Variants in GPM6B observed in about 807,000 individuals in gnomAD.
The protein encoded by GPM6B is glycoprotein M6B, also known as neuronal membrane glycoprotein M6-b.
GPM6B carries 4 observed loss-of-function variants against 27.2 expected under a neutral mutation model. The ratio of observed to expected loss-of-function variants is 0.15; its 90% CI spans 0.07 to 0.34. The LOEUF is 0.34. Ranked by LOEUF, GPM6B falls within the 10% of genes least tolerant of loss-of-function variation. The probability of loss-of-function intolerance (pLI) is 1.00; values close to 1 mark genes in which losing one functional copy is unlikely to be tolerated. For missense variants in GPM6B, 183 were observed against 261.9 expected, an observed-to-expected ratio of 0.70 and a Z score of 2.08; for synonymous variants, 124 against 103.1, an observed-to-expected ratio of 1.20 and a Z score of -1.23.
rs763194245 is a variant in GPM6B, at chrX:13,799,190, ATTTTT to A, written c.181+8455_181+8459del. 2.9e-3 allele frequency among the ~76,000 whole-genome samples: 105 copies of A among 35,967 alleles called. 2 individuals carry two copies. Among genetic ancestry groups the A allele is most frequent in the African/African-American group, 0.012 (98 of 8,335 alleles). The allele number at this position is 35,967 out of a possible 115,157, so 31.2% of individuals were successfully genotyped here. ...CTAGAAACCTCGATTAGCCAACCTA[ATTTTT>A]TTTTTTTTTTTTTTTTTTTTTTTTT... On this transcript the variant is annotated intron_variant, in intron 2 of 7. Transcript: ENST00000316715.
At chrX:13,860,928 C>T (rs1055128591) in intron 1 of GPM6B, among the ~76,000 whole-genome samples, 5 of 109,098 alleles carry the variant, frequency 4.6e-5, no homozygotes, top group African/African-American at 1.7e-4. Context: ...TAATTGCCTC[C>T]AATTCCATCC....
intron 1 of GPM6B, among the ~76,000 whole-genome samples, chrX:13,937,601 A>C (rs953664923): frequency 9.0e-6 from 1 of 111,682 alleles, no homozygotes; most frequent in Non-Finnish European, 1.9e-5. Context: ...TCCCAAGCAC[A>C]GCTGTCACAC....
At chrX:13,821,820 C>T (rs909414938), upstream of GPM6B, among the ~76,000 whole-genome samples, 2 of 111,232 alleles carry the variant, frequency 1.8e-5, no homozygotes, top group African/African-American at 6.5e-5. Context: ...GTCTTGAGCT[C>T]CTGACCTCAG....
intron 7 of GPM6B, among the ~76,000 whole-genome samples, chrX:13,775,598 C>T (rs747381701): frequency 1.7e-4 from 19 of 112,056 alleles, no homozygotes; most frequent in East Asian, 8.4e-4. Flanking sequence ...TTCATTCAGG[C>T]ATAGGGATAG....
intron 1 of GPM6B, among the ~76,000 whole-genome samples, chrX:13,920,651 G>T (rs746393158): frequency 9.0e-6 from 1 of 111,394 alleles, no homozygotes; most frequent in African/African-American, 3.3e-5. Flanking sequence ...CAGCACTTTG[G>T]GAGGCTGAGG....
chrX:13,894,084 G>A (rs768543623), intron 1 of GPM6B, among the ~76,000 whole-genome samples: 3 of 111,910 alleles, frequency 2.7e-5, no homozygotes, highest in South Asian at 3.8e-4. Context: ...ATTCCAAGAC[G>A]GAAACTCACT....
At chrX:13,931,052 T>TGG in intron 1 of GPM6B, among the ~76,000 whole-genome samples, 1 of 110,936 alleles carries the variant, frequency 9.0e-6, no homozygotes, top group African/African-American at 3.3e-5. Context: ...GGCATGGTGG[T>TGG]GCATACCTGT....
intron 1 of GPM6B, among the ~76,000 whole-genome samples, chrX:13,911,445 G>A (rs1238240278): frequency 1.8e-5 from 2 of 111,799 alleles, no homozygotes; most frequent in South Asian, 3.7e-4. Flanking sequence ...GTATTTTGTC[G>A]TCCAACATAG....
intron 2 of GPM6B, among the ~76,000 whole-genome samples, chrX:13,790,328 T>C (rs1202873263): frequency 1.8e-5 from 2 of 112,356 alleles, no homozygotes; most frequent in Non-Finnish European, 3.8e-5. Context: ...GAGTGGACCA[T>C]TTGTCATTTG....
chrX:13,872,102 GC>G (rs1255045692), intron 1 of GPM6B, among the ~76,000 whole-genome samples: 2 of 108,415 alleles, frequency 1.8e-5, no homozygotes, highest in South Asian at 8.1e-4. Context: ...CATTTTGTAT[GC>G]CTGAGAAACG....
intron 1 of GPM6B, among the ~76,000 whole-genome samples, chrX:13,881,361 A>T (rs1053375871): frequency 5.4e-5 from 6 of 111,532 alleles, no homozygotes; most frequent in South Asian, 3.8e-4. Flanking sequence ...TATTTTTAAA[A>T]AATAGCGTGG....
intron 1 of GPM6B, among the ~76,000 whole-genome samples, chrX:13,861,818 T>C (rs1163259746): frequency 2.7e-5 from 3 of 111,542 alleles, no homozygotes; most frequent in Non-Finnish European, 3.8e-5. Context: ...GAAAAGTAAA[T>C]CCCCTAACAT....
rs1555909703 is a variant in GPM6B, at chrX:13,772,649, C to CACT, written c.*231_*232insAGT. ...CCCAAAGTATGAACGATCATTTTGT[C>CACT]AAAGTGTTGCCTTTTAAAATGGCTA... is the stretch of plus-strand genomic sequence containing the variant. On this transcript the variant is annotated 3_prime_UTR_variant, in exon 8 of 8. Coordinates refer to ENST00000316715, the MANE Select transcript of GPM6B (RefSeq NM_001001995.3). 1 of 328,884 alleles carries CACT rather than the reference C, an allele frequency of 3.0e-6. No individual in the cohort carries two copies. The highest frequency in any genetic ancestry group is 2.6e-5 in the African/African-American group (1 of 38,517). 27.1% of individuals were successfully genotyped at this position (328,884 alleles called of 1,213,427 possible).
chrX:13,854,349 T>C (rs17311098), intron 1 of GPM6B, among the ~76,000 whole-genome samples: 1,950 of 112,134 alleles, frequency 0.017, 38 homozygotes, highest in East Asian at 0.15. Flanking sequence ...GCTGGCTTCA[T>C]AGATTTTCAT....
At position 13,883,853 on chromosome X, in the gene GPM6B, C is replaced by CA. The variant is rs11285615; in HGVS notation, c.-198+54473dup. On this transcript the variant is annotated intron_variant, in intron 1 of 6. Transcript: ENST00000398361. ...ATAGCGTGAGACCCTGTCTCTAAAC[C>CA]AAAAAAAAAAAAATTTTAAACATAT... 1.5e-3 allele frequency among the ~76,000 whole-genome samples: 153 copies of CA among 100,401 alleles called. 1 individual carries two copies. The highest frequency in any genetic ancestry group is 2.0e-3 in the Non-Finnish European group (100 of 49,061). 87.2% of individuals were successfully genotyped at this position (100,401 alleles called of 115,157 possible).
chrX:13,785,908 T>A, intron 2 of GPM6B, 100 bp from the exon 3 acceptor site: 1 of 650,814 alleles, frequency 1.5e-6, no homozygotes, highest in Non-Finnish European at 2.3e-6. Context: ...ATTTTCCATC[T>A]CCCCTCTCAG....
At chrX:13,835,469 G>T (rs757059102) in intron 1 of GPM6B, among the ~76,000 whole-genome samples, 2 of 111,319 alleles carry the variant, frequency 1.8e-5, no homozygotes, top group South Asian at 7.6e-4. Flanking sequence ...AGTTTTTTGG[G>T]GGGTGTCCTA....
At chrX:13,875,245 T>C (rs2050021654) in intron 1 of GPM6B, among the ~76,000 whole-genome samples, 1 of 110,909 alleles carries the variant, frequency 9.0e-6, no homozygotes, top group East Asian at 2.8e-4. Flanking sequence ...AGAAGTAGGG[T>C]AACCCCAGAT....
chrX:13,903,117 G>A (rs1042020541), intron 1 of GPM6B, among the ~76,000 whole-genome samples: 1 of 111,703 alleles, frequency 9.0e-6, no homozygotes, highest in African/African-American at 3.3e-5. Flanking sequence ...CTTTGTTAAG[G>A]GGTCTTCTCC....
Sources: gnomAD v4.1 joint callset for allele counts (sites outside exome capture counted in the v4.1 genomes callset) on GRCh38, gnomAD v4.1.1 for gene constraint, MANE v1.5 for transcripts, NCBI Gene and HGNC (gene_info 2026-07-23, HGNC 2026-07-21) for gene names.